APOOL: variants seen among roughly 807,000 people sequenced by gnomAD.
The protein encoded by APOOL is apolipoprotein O like.
Under a neutral mutation model 23.1 loss-of-function variants are expected in APOOL, and 12 were observed. That is an observed-to-expected ratio of 0.52 (90% CI 0.33 to 0.84). The LOEUF (loss-of-function observed/expected upper bound fraction) is 0.84, where lower values mean the gene tolerates loss of function less well. Ranked by LOEUF, APOOL falls within the 40% of genes least tolerant of loss-of-function variation. The pLI is 0.02. For missense variants in APOOL, 212 were observed against 199.6 expected (o/e 1.06, Z -0.37); for synonymous variants, 77 against 69.9 (o/e 1.10, Z -0.51).
At position 85,017,218 on chromosome X, in the gene APOOL, A is replaced by G. The variant is rs960129015; in HGVS notation, c.15+13291A>G. 4.5e-5 allele frequency among the ~76,000 whole-genome samples: 5 copies of G among 111,333 alleles called. No homozygotes were observed. In the East Asian group the frequency reaches 1.4e-3, roughly 32 times the overall value. On this transcript the variant is annotated intron_variant, in intron 1 of 8. Coordinates refer to ENST00000373173, the MANE Select transcript of APOOL (RefSeq NM_198450.6). ...GTTGAGGGAGGTGGTTCTCAGGCCA[A>G]TGGGGTTATGTTCCAGAGGGGATTA... is the stretch of plus-strand genomic sequence containing the variant.
At chrX:85,015,696 G>A (rs1602740378) in intron 1 of APOOL, among the ~76,000 whole-genome samples, 1 of 109,113 alleles carries the variant, frequency 9.2e-6, no homozygotes. Flanking sequence ...AGCCTCCCGA[G>A]TACCTGGGAT....
At chrX:85,078,998 G>A (rs929084423) in intron 8 of APOOL, among the ~76,000 whole-genome samples, 2 of 111,471 alleles carry the variant, frequency 1.8e-5, no homozygotes, top group South Asian at 3.8e-4. Context: ...GGGCCGAGAC[G>A]ATGGGGTTTT....
chrX:85,036,020 C>T (rs993668672), intron 1 of APOOL, among the ~76,000 whole-genome samples: 4 of 112,142 alleles, frequency 3.6e-5, no homozygotes, highest in African/African-American at 1.3e-4. Flanking sequence ...TGACAAATGT[C>T]GTTGGTAGTT....
intron 1 of APOOL, among the ~76,000 whole-genome samples, chrX:85,037,982 C>T (rs943021792): frequency 9.0e-6 from 1 of 111,632 alleles, no homozygotes; most frequent in African/African-American, 3.3e-5. Context: ...ACAAATGGCA[C>T]CTAATTAAAC....
At chrX:85,080,733 C>T (rs965951412) in intron 8 of APOOL, among the ~76,000 whole-genome samples, 8 of 111,250 alleles carry the variant, frequency 7.2e-5, no homozygotes, top group African/African-American at 2.3e-4. Context: ...TCTAAAGTCT[C>T]TTTGTAGGTC....
intron 1 of APOOL, among the ~76,000 whole-genome samples, chrX:85,040,730 C>A (rs1386276579): frequency 9.0e-6 from 1 of 111,565 alleles, no homozygotes; most frequent in African/African-American, 3.3e-5. Context: ...TTTTTCGGTT[C>A]TTTCTATTGG....
At chrX:85,060,807 A>G (rs1421809765) in intron 5 of APOOL, among the ~76,000 whole-genome samples, 1 of 111,555 alleles carries the variant, frequency 9.0e-6, no homozygotes, top group Admixed American at 9.6e-5. Context: ...TTCTAGATAT[A>G]CAATCATGTC....
Position 85,093,278 on chromosome X carries a change from T to C in APOOL, c.*5600T>C, listed in dbSNP as rs1924585221. The stretch of plus-strand genomic sequence containing the variant: ...ACTGCAAATTTCACTTAACTTGTTA[T>C]TTGCTTTAGTTTAAAATAAATAATA... On this transcript the variant is annotated 3_prime_UTR_variant, in exon 9 of 9. Transcript: ENST00000373173. The C allele has an allele frequency of 1.1e-5, 12 of 1,074,426 alleles. No homozygotes were observed. The highest frequency in any genetic ancestry group is 1.5e-5 in the Non-Finnish European group (12 of 795,255). 88.5% of individuals were successfully genotyped at this position (1,074,426 alleles called of 1,213,427 possible).
intron 1 of APOOL, among the ~76,000 whole-genome samples, chrX:85,022,863 T>C (rs1602745070): frequency 8.9e-6 from 1 of 112,000 alleles, no homozygotes; most frequent in East Asian, 2.8e-4. Flanking sequence ...TGTTTCCCAA[T>C]GTTGGAGGTG....
chrX:85,018,424 G>C (rs532809207), intron 1 of APOOL, among the ~76,000 whole-genome samples: 1 of 111,538 alleles, frequency 9.0e-6, no homozygotes, highest in South Asian at 3.8e-4. Context: ...ACAGCACCAA[G>C]TTATTTATGA....
intron 8 of APOOL, chrX:85,080,427 C>G (rs1013403969): frequency 8.9e-6 from 1 of 111,845 alleles, no homozygotes; most frequent in Non-Finnish European, 1.9e-5. Context: ...ATCCTGAGTT[C>G]TAATTTGATT....
chrX:85,063,042 G>T (rs2054923708), intron 5 of APOOL, among the ~76,000 whole-genome samples: 1 of 111,420 alleles, frequency 9.0e-6, no homozygotes, highest in Non-Finnish European at 1.9e-5. Flanking sequence ...ATTTCCTCGA[G>T]CAATGGTTTG....
rs1602816101 is a variant in APOOL, at chrX:85,092,055, A to G, written c.*4377A>G. On this transcript the variant is annotated 3_prime_UTR_variant, in exon 9 of 9. Coordinates refer to ENST00000373173, the MANE Select transcript of APOOL (RefSeq NM_198450.6). ...AAACAAAAAATGCTGCCAGTTGATC[A>G]TTACATTTATCCCGACATCAGATAT... The G allele has an allele frequency of 6.4e-6, 1 of 155,226 alleles. No homozygotes were observed. The highest frequency in any genetic ancestry group is 1.2e-5 in the Non-Finnish European group (1 of 81,641). The allele number at this position is 155,226 out of a possible 1,213,427, so 12.8% of individuals were successfully genotyped here. A position where few individuals can be genotyped will look rare whatever the true frequency, so the allele number is the denominator to read the frequency against.
Position 85,093,005 on chromosome X carries a change from A to G in APOOL, c.*5327A>G, listed in dbSNP as rs558390879. Reference sequence around the variant, plus strand: ...ATATATAAATCAATTTTAATTGACTATAATTCATATACTGTATATGATCAT... The same window carrying G: ...ATATATAAATCAATTTTAATTGACTGTAATTCATATACTGTATATGATCAT... On this transcript the variant is annotated 3_prime_UTR_variant, in exon 9 of 9. Transcript: ENST00000373173. 919 of 401,046 alleles carry G rather than the reference A, an allele frequency of 2.3e-3. 1 individual carries two copies. The highest frequency in any genetic ancestry group is 0.017 in the South Asian group (271 of 15,640). The allele number at this position is 401,046 out of a possible 1,213,427, so 33.1% of individuals were successfully genotyped here.
chrX:85,070,448 T>C (rs947672388), intron 6 of APOOL, among the ~76,000 whole-genome samples: 1 of 111,657 alleles, frequency 9.0e-6, no homozygotes. Context: ...TAGCAAGTAG[T>C]CTGTCTTTGA....
chrX:85,009,994 G>T (rs1185807638), intron 1 of APOOL, among the ~76,000 whole-genome samples: 3 of 111,655 alleles, frequency 2.7e-5, no homozygotes, highest in Non-Finnish European at 5.7e-5. Context: ...TCTTTTTATG[G>T]CTGCATAGTA....
Position 85,092,658 on chromosome X carries a change from T to A in APOOL, c.*4980T>A. On this transcript the variant is annotated 3_prime_UTR_variant, in exon 9 of 9. Transcript: ENST00000373173. ...TGAAGGTCTACTCTATGCAAGACAC[T>A]ATGTGTGAATAATACTTCCAAATAT... The A allele has an allele frequency of 1.3e-6, 1 of 761,983 alleles. No homozygotes were observed. The highest frequency in any genetic ancestry group is 1.8e-6 in the Non-Finnish European group (1 of 543,536). The allele number at this position is 761,983 out of a possible 1,213,427, so 62.8% of individuals were successfully genotyped here.
intron 2 of APOOL, among the ~76,000 whole-genome samples, chrX:85,050,119 T>G (rs1408588188): frequency 2.3e-5 from 1 of 44,168 alleles, no homozygotes. Flanking sequence ...TAAGCATTAG[T>G]CCAGAAAGAT....
chrX:85,067,672 A>G (rs2147658217), intron 6 of APOOL, among the ~76,000 whole-genome samples: 1 of 108,841 alleles, frequency 9.2e-6, no homozygotes, highest in African/African-American at 3.4e-5. Flanking sequence ...ACACACGCAC[A>G]GGAACTCAAT....
Sources: gnomAD v4.1 joint callset for allele counts (sites outside exome capture counted in the v4.1 genomes callset) on GRCh38, gnomAD v4.1.1 for gene constraint, MANE v1.5 for transcripts, NCBI Gene and HGNC (gene_info 2026-07-23, HGNC 2026-07-21) for gene names.